Variants in GSG1L observed in about 807,000 individuals in gnomAD.
GSG1L encodes the protein germ cell-specific gene 1-like protein.
In GSG1L, 24 loss-of-function variants were observed where a neutral mutation model predicts 42.1. The observed-to-expected ratio is 0.57, with a 90% confidence interval of 0.41 to 0.80. The LOEUF (loss-of-function observed/expected upper bound fraction) is 0.80. Ranked by LOEUF, GSG1L falls within the 30% of genes least tolerant of loss-of-function variation. The pLI is 0.00. For synonymous variants in GSG1L, 215 were observed against 203.5 expected, an observed-to-expected ratio of 1.06 and a Z score of -0.48; for missense variants, 445 against 472.2, an observed-to-expected ratio of 0.94 and a Z score of 0.53.
intron 2 of GSG1L, among the ~76,000 whole-genome samples, chr16:27,957,023 G>A (rs1314466377): frequency 6.6e-6 from 1 of 152,206 alleles, no homozygotes; most frequent in Non-Finnish European, 1.5e-5. Context: ...CAGGGAAGTA[G>A]GAGAAACTTT....
In GSG1L at chr16:27,898,190, C is replaced by G. The variant is rs1358450796; in HGVS notation, c.398-13552G>C. Among the ~76,000 whole-genome samples the G allele has an allele frequency of 3.3e-5, 5 of 152,308 alleles. No homozygotes were observed. The South Asian group carries it at 8.3e-4, about 25-fold the overall frequency. The stretch of plus-strand genomic sequence containing the variant: ...TCACGGTGACCTTGGCCTTCAGAAT[C>G]AGATGACAATTATTTTTCTTCCCCT... On this transcript the variant is annotated intron_variant, in intron 2 of 6. Transcript: ENST00000447459.
intron 1 of GSG1L, among the ~76,000 whole-genome samples, chr16:28,013,246 A>AAATAT (rs2141158168): frequency 6.6e-6 from 1 of 151,056 alleles, no homozygotes; most frequent in African/African-American, 2.4e-5. Context: ...TACAAGGGAG[A>AAATAT]AATATAATAC....
chr16:28,042,262 C>G (rs1323966357), intron 1 of GSG1L, among the ~76,000 whole-genome samples: 1 of 151,894 alleles, frequency 6.6e-6, no homozygotes, highest in Non-Finnish European at 1.5e-5. Context: ...ATGGTGAAAC[C>G]CTGTCTCTAC....
At chr16:27,952,731 G>A (rs911936604) in intron 2 of GSG1L, among the ~76,000 whole-genome samples, 2 of 152,254 alleles carry the variant, frequency 1.3e-5, no homozygotes, top group African/African-American at 4.8e-5. Context: ...ATTTTAGAAA[G>A]ATAATTTGAA....
chr16:27,835,786 C>T (rs893246176), intron 4 of GSG1L, among the ~76,000 whole-genome samples: 5 of 152,030 alleles, frequency 3.3e-5, no homozygotes, highest in African/African-American at 1.2e-4. Context: ...CTTTGTGACC[C>T]TTTACTTTCC....
chr16:27,982,416 T>C (rs1429118711), intron 1 of GSG1L, among the ~76,000 whole-genome samples: 2 of 152,192 alleles, frequency 1.3e-5, no homozygotes, highest in East Asian at 3.9e-4. Context: ...GACTAGTTCC[T>C]GCCAATATGA....
intron 2 of GSG1L, among the ~76,000 whole-genome samples, chr16:27,892,726 G>C (rs933514972): frequency 4.0e-5 from 6 of 150,740 alleles, no homozygotes; most frequent in Non-Finnish European, 8.8e-5. Flanking sequence ...GGAGGTGGAG[G>C]TTGCAGTGAG....
rs374467518 is a variant in GSG1L, at chr16:27,853,505, C to T, written c.551-8444G>A. Among the ~76,000 whole-genome samples, 42 of 152,268 alleles carry T rather than the reference C, an allele frequency of 2.8e-4. No homozygotes were observed. The South Asian group carries it at 6.4e-3, about 23-fold the overall frequency. ...ACGGGGAGGGGGGTGAGCCGATTGGCATCTTCTTGAGAGGAGCATTTTGGG... is the reference window on the plus strand; with the variant it reads ...ACGGGGAGGGGGGTGAGCCGATTGGTATCTTCTTGAGAGGAGCATTTTGGG... On this transcript the variant is annotated intron_variant, in intron 3 of 6. Transcript: ENST00000447459.
At chr16:27,875,018 TC>T (rs1295637569) in intron 3 of GSG1L, among the ~76,000 whole-genome samples, 1 of 151,972 alleles carries the variant, frequency 6.6e-6, no homozygotes, top group East Asian at 1.9e-4. Flanking sequence ...GGTGTCAGAA[TC>T]CCCCCCTTGT....
At chr16:27,994,680 A>G (rs1033366252) in intron 1 of GSG1L, among the ~76,000 whole-genome samples, 7 of 152,158 alleles carry the variant, frequency 4.6e-5, no homozygotes, top group African/African-American at 1.4e-4. Context: ...GAAGACTGTG[A>G]GTCAATAAAA....
chr16:27,893,021 G>C (rs573119498), intron 2 of GSG1L, among the ~76,000 whole-genome samples: 5 of 152,264 alleles, frequency 3.3e-5, no homozygotes, highest in Non-Finnish European at 5.9e-5. Context: ...CAGCAGGCCC[G>C]GCAGAGCCTC....
intron 3 of GSG1L, among the ~76,000 whole-genome samples, chr16:27,872,901 T>C (rs1287002714): frequency 6.6e-6 from 1 of 152,184 alleles, no homozygotes; most frequent in African/African-American, 2.4e-5. Context: ...TTGGTTTGCA[T>C]ATAATCAGGA....
chr16:27,891,882 A>ATTTTT (rs1224468785), intron 2 of GSG1L, among the ~76,000 whole-genome samples: 11 of 50,488 alleles, frequency 2.2e-4, no homozygotes, highest in Non-Finnish European at 3.0e-4. Flanking sequence ...TCAGTGACAG[A>ATTTTT]TCTTTTTTTT....
At chr16:27,958,979 T>C (rs1295601200) in intron 2 of GSG1L, among the ~76,000 whole-genome samples, 1 of 150,932 alleles carries the variant, frequency 6.6e-6, no homozygotes, top group Non-Finnish European at 1.5e-5. Flanking sequence ...CCGGCCACGG[T>C]TGTTAAAATT....
chr16:27,882,631 C>T (rs2083973850), intron 3 of GSG1L, among the ~76,000 whole-genome samples: 1 of 152,164 alleles, frequency 6.6e-6, no homozygotes, highest in African/African-American at 2.4e-5. Context: ...AAGTTGTCCA[C>T]CAAGCAGACT....
chr16:27,967,380 C>G (rs568582940), intron 1 of GSG1L, among the ~76,000 whole-genome samples: 228 of 152,328 alleles, frequency 1.5e-3, no homozygotes, highest in African/African-American at 5.2e-3. Flanking sequence ...TTATGTCACT[C>G]CTTCCAAAGA....
intron 1 of GSG1L, among the ~76,000 whole-genome samples, chr16:28,016,793 AG>A (rs533023343): frequency 2.4e-3 from 371 of 152,334 alleles, no homozygotes; most frequent in Non-Finnish European, 4.4e-3. Flanking sequence ...CCATTTTAAT[AG>A]AAGGGGAGAT....
At chr16:27,863,009 C>T (rs1014572053) in intron 3 of GSG1L, among the ~76,000 whole-genome samples, 2 of 151,896 alleles carry the variant, frequency 1.3e-5, no homozygotes, top group Non-Finnish European at 2.9e-5. Context: ...TAGCTCAGTT[C>T]ACTTTTTTGT....
chr16:28,046,701 G>A (rs925393698), intron 1 of GSG1L, among the ~76,000 whole-genome samples: 3 of 151,952 alleles, frequency 2.0e-5, no homozygotes, highest in Non-Finnish European at 2.9e-5. Context: ...CCGCATCACC[G>A]CTCCCTGGCT....
Sources: allele counts gnomAD v4.1 joint callset (sites outside exome capture counted in the v4.1 genomes callset), GRCh38; gene constraint gnomAD v4.1.1; transcripts MANE v1.5; gene names NCBI Gene and HGNC (gene_info 2026-07-23, HGNC 2026-07-21).